Variants in PCBP3 observed in about 807,000 individuals in gnomAD.
PCBP3 encodes the protein poly(rC)-binding protein 3.
PCBP3 carries 25 observed loss-of-function variants against 52.7 expected under a neutral mutation model. That is an observed-to-expected ratio of 0.47 (90% CI 0.35 to 0.66). The LOEUF (loss-of-function observed/expected upper bound fraction) is 0.66, where lower values mean the gene tolerates loss of function less well. Ranked by LOEUF, PCBP3 falls within the 30% of genes least tolerant of loss-of-function variation. The pLI, the probability that PCBP3 is intolerant of heterozygous loss-of-function variation, is 0.01. For synonymous variants in PCBP3, 162 were observed against 183.0 expected (o/e 0.89, Z 0.93); for missense variants, 391 against 490.3 (o/e 0.80, Z 1.91).
intron 5 of PCBP3, among the ~76,000 whole-genome samples, chr21:45,854,246 T>A (rs1420011701): frequency 6.6e-6 from 1 of 152,210 alleles, no homozygotes; most frequent in African/African-American, 2.4e-5. Context: ...CATGCTTTTT[T>A]AAAATTTATT....
At chr21:45,759,868 A>C (rs980736278) in intron 4 of PCBP3, 2 of 152,230 alleles carry the variant, frequency 1.3e-5, no homozygotes, top group African/African-American at 4.8e-5. Context: ...AGACAAGTAC[A>C]AGATCTTAAC....
chr21:45,731,405 A>T (rs763648802), intron 2 of PCBP3, among the ~76,000 whole-genome samples: 7 of 152,240 alleles, frequency 4.6e-5, no homozygotes, highest in Non-Finnish European at 8.8e-5. Flanking sequence ...CACAGTTGTC[A>T]GTCATGCTTC....
At chr21:45,649,325 A>C (rs1470057019) in intron 1 of PCBP3, among the ~76,000 whole-genome samples, 3 of 152,238 alleles carry the variant, frequency 2.0e-5, no homozygotes, top group Admixed American at 2.0e-4. Flanking sequence ...CTCCCATAAC[A>C]CATGGGAATT....
chr21:45,863,213 C>A (rs1362164135), intron 5 of PCBP3, among the ~76,000 whole-genome samples: 3 of 152,256 alleles, frequency 2.0e-5, no homozygotes, highest in African/African-American at 7.2e-5. Context: ...GGAATAGCCT[C>A]ATCCTGCAGT....
At chr21:45,877,080 A>G (rs1012406284) in intron 5 of PCBP3, among the ~76,000 whole-genome samples, 1 of 152,166 alleles carries the variant, frequency 6.6e-6, no homozygotes. Context: ...CCCCCAGCAA[A>G]CAAGCCTTAC....
intron 2 of PCBP3, among the ~76,000 whole-genome samples, chr21:45,689,515 TAAAGAACA>T: frequency 6.6e-6 from 1 of 151,888 alleles, no homozygotes; most frequent in Non-Finnish European, 1.5e-5. Flanking sequence ...CCCCCTAAGA[TAAAGAACA>T]AGGCAAGAAG....
intron 4 of PCBP3, among the ~76,000 whole-genome samples, chr21:45,809,538 C>T (rs937520496): frequency 8.5e-5 from 13 of 152,258 alleles, no homozygotes; most frequent in African/African-American, 7.2e-5. Context: ...CCGGCTGCTG[C>T]GTGGGGAGCA....
intron 15 of PCBP3, among the ~76,000 whole-genome samples, chr21:45,933,216 C>G (rs1441423972): frequency 8.2e-6 from 1 of 122,536 alleles, no homozygotes; most frequent in Non-Finnish European, 1.7e-5. Context: ...TGTCCTGAGA[C>G]GAATGAACAC....
At chr21:45,919,847 G>A (rs1307992835) in intron 13 of PCBP3, among the ~76,000 whole-genome samples, 10 of 151,164 alleles carry the variant, frequency 6.6e-5, no homozygotes, top group East Asian at 1.9e-4. Context: ...GCGCGCGCGC[G>A]TGCGCGTCCC....
intron 2 of PCBP3, among the ~76,000 whole-genome samples, chr21:45,706,661 A>T (rs1238675072): frequency 1.3e-5 from 2 of 152,226 alleles, no homozygotes; most frequent in African/African-American, 2.4e-5. Context: ...ATCCCAAATG[A>T]CATGAGGAGG....
intron 16 of PCBP3, among the ~76,000 whole-genome samples, chr21:45,939,271 G>A (rs1345036013): frequency 6.6e-6 from 1 of 152,202 alleles, no homozygotes; most frequent in African/African-American, 2.4e-5. Context: ...ATCCAATGGT[G>A]GGCATTGAGA....
chr21:45,685,185 A>C (rs979010065), intron 2 of PCBP3, among the ~76,000 whole-genome samples: 6 of 152,258 alleles, frequency 3.9e-5, no homozygotes, highest in African/African-American at 1.4e-4. Flanking sequence ...TGAGATACCA[A>C]GAGTAGTCAA....
intron 4 of PCBP3, among the ~76,000 whole-genome samples, chr21:45,779,847 A>G (rs2090507904): frequency 6.6e-6 from 1 of 152,208 alleles, no homozygotes; most frequent in Non-Finnish European, 1.5e-5. Flanking sequence ...ACATTTGACT[A>G]TAACAGTACT....
chr21:45,644,324 G>A (rs1198602133), intron 1 of PCBP3, among the ~76,000 whole-genome samples: 1 of 151,712 alleles, frequency 6.6e-6, no homozygotes, highest in African/African-American at 2.4e-5. Context: ...CCCCTGGACG[G>A]CCGCCGGGAG....
Position 45,765,561 on chromosome 21 carries a change from C to A in PCBP3, c.-126+10109C>A, listed in dbSNP as rs774825750. 1.3e-5 allele frequency among the ~76,000 whole-genome samples: 2 copies of A among 152,304 alleles called. 1 individual carries two copies. Among genetic ancestry groups the A allele is most frequent in the African/African-American group, 4.8e-5 (2 of 41,578 alleles). ...CGCGCTGCCCCTCCCCGTGGGGCTC[C>A]TGGGACTGGTGAGGGCACCGAGGAC... is the stretch of plus-strand genomic sequence containing the variant. On this transcript the variant is annotated intron_variant, in intron 4 of 17. Coordinates refer to ENST00000681687, the MANE Select transcript of PCBP3 (RefSeq NM_001384156.1).
At chr21:45,801,236 G>A (rs556850462) in intron 4 of PCBP3, among the ~76,000 whole-genome samples, 1 of 152,358 alleles carries the variant, frequency 6.6e-6, no homozygotes, top group African/African-American at 2.4e-5. Flanking sequence ...CTGATGGCCA[G>A]CCTTGTGGGG....
In PCBP3 at chr21:45,800,638, C is replaced by T. The variant is rs959597522; in HGVS notation, c.-126+45186C>T. ...ACCTGCCACCCCTTCGTGCTGGGCC[C>T]TTGGGCCAAGCACCGCATGCAGCCT... On this transcript the variant is annotated intron_variant, in intron 4 of 17. Coordinates refer to ENST00000681687, the MANE Select transcript of PCBP3 (RefSeq NM_001384156.1). The surrounding 1 kb of genome is among the most constrained non-coding windows in gnomAD (Gnocchi z 5.3). 1.3e-5 allele frequency among the ~76,000 whole-genome samples: 2 copies of T among 152,202 alleles called. No homozygotes were observed. The highest frequency in any genetic ancestry group is 1.5e-5 in the Non-Finnish European group (1 of 68,022).
intron 5 of PCBP3, among the ~76,000 whole-genome samples, chr21:45,890,090 G>A (rs745341163): frequency 5.9e-5 from 9 of 152,280 alleles, no homozygotes; most frequent in Non-Finnish European, 1.2e-4. Context: ...GGGAGACGTG[G>A]CCTCGCAGCT....
At chr21:45,910,825 G>A in intron 10 of PCBP3, 77 bp from the exon 11 acceptor site, 1 of 1,445,252 alleles carries the variant, frequency 6.9e-7, no homozygotes, top group Non-Finnish European at 9.3e-7. Flanking sequence ...AGCTGCCTTG[G>A]GTGCCGAGAC....
Sources: allele counts gnomAD v4.1 joint callset (sites outside exome capture counted in the v4.1 genomes callset), GRCh38; gene constraint gnomAD v4.1.1; non-coding constraint Gnocchi (gnomAD v3.1); transcripts MANE v1.5; gene names NCBI Gene and HGNC (gene_info 2026-07-23, HGNC 2026-07-21).